The following TMEM67 variants were observed in gnomAD, a reference collection of about 807,000 sequenced individuals.
TMEM67 encodes transmembrane protein 67, also known as meckelin.
Under a neutral mutation model 136.6 loss-of-function variants are expected in TMEM67, and 124 were observed. The observed-to-expected ratio is 0.91, with a 90% CI of 0.78 to 1.05. The LOEUF (loss-of-function observed/expected upper bound fraction) is 1.05. Ranked by LOEUF, TMEM67 falls within the 50% of genes least tolerant of loss-of-function variation. The pLI, the probability that TMEM67 is intolerant of heterozygous loss-of-function variation, is 0.00. For missense variants in TMEM67, 1,107 were observed against 1,178.4 expected (o/e 0.94, Z 0.89); for synonymous variants, 364 against 390.5 (o/e 0.93, Z 0.80).
the TMEM67 span, among the ~76,000 whole-genome samples, chr8:93,829,488 T>G: frequency 6.6e-6 from 1 of 152,092 alleles, no homozygotes; most frequent in East Asian, 1.9e-4. Context: ...GCTCACTGGA[T>G]CTACTCCTCT....
downstream of TMEM67, among the ~76,000 whole-genome samples, chr8:93,821,770 T>C (rs1809044996): frequency 2.6e-5 from 4 of 152,130 alleles, no homozygotes; most frequent in Non-Finnish European, 5.9e-5. Context: ...TATGGTGGCA[T>C]GTGCCTGTAG....
At chr8:93,832,449 AG>A in the TMEM67 span, among the ~76,000 whole-genome samples, 2 of 152,156 alleles carry the variant, frequency 1.3e-5, no homozygotes, top group Non-Finnish European at 2.9e-5. Context: ...TCCTCTTTCC[AG>A]AATATGCCTT....
intron 6 of TMEM67, among the ~76,000 whole-genome samples, chr8:93,767,721 C>T (rs1265443067): frequency 2.5e-5 from 3 of 117,974 alleles, no homozygotes; most frequent in Admixed American, 2.0e-4. Flanking sequence ...TTGGCTTCTG[C>T]GTGATTTTTT....
intron 7 of TMEM67, among the ~76,000 whole-genome samples, chr8:93,774,119 A>C (rs1813435433): frequency 2.0e-5 from 3 of 151,840 alleles, no homozygotes; most frequent in Admixed American, 2.0e-4. Flanking sequence ...GGCTCAAGAG[A>C]TCCTCCTGCC....
In TMEM67 at chr8:93,771,249, CT is replaced by C. The variant is rs564652687; in HGVS notation, c.652-1328del. Among the ~76,000 whole-genome samples the C allele has an allele frequency of 3.8e-3, 542 of 141,900 alleles. 1 individual carries two copies. The highest frequency in any genetic ancestry group is 5.8e-3 in the Admixed American group (82 of 14,202). 93.1% of individuals were successfully genotyped at this position (141,900 alleles called of 152,430 possible). Reference sequence around the variant, plus strand: ...AGAAGCACTTTACTTTTTCTCTGTGCTTTTTTTTTTTTAAAAAAAAGCTTTA... The same window carrying C: ...AGAAGCACTTTACTTTTTCTCTGTGCTTTTTTTTTTTAAAAAAAAGCTTTA... On this transcript the variant is annotated intron_variant, in intron 6 of 27. Transcript: ENST00000453321.
chr8:93,782,240 T>C (rs1259520881), intron 10 of TMEM67, among the ~76,000 whole-genome samples, 155 bp from the exon 11 acceptor site: 1 of 152,158 alleles, frequency 6.6e-6, no homozygotes, highest in African/African-American at 2.4e-5. Flanking sequence ...AAGTTATGAC[T>C]TTCATTTATA....
At chr8:93,777,427 C>A (rs1167024730) in intron 7 of TMEM67, among the ~76,000 whole-genome samples, 3 of 152,110 alleles carry the variant, frequency 2.0e-5, no homozygotes, top group Non-Finnish European at 4.4e-5. Context: ...TTCTTTACTT[C>A]TTTTAACTGT....
chr8:93,800,758 G>A (rs1373258025), intron 21 of TMEM67, among the ~76,000 whole-genome samples: 1 of 152,074 alleles, frequency 6.6e-6, no homozygotes, highest in Non-Finnish European at 1.5e-5. Context: ...AGAGTCCTCA[G>A]CTTTATAGTA....
chr8:93,762,870 T>A (rs1199698597), intron 3 of TMEM67: 1 of 364,464 alleles, frequency 2.7e-6, no homozygotes, highest in Non-Finnish European at 5.5e-6. Flanking sequence ...TGTTCTAGCA[T>A]ACTTTTTTCA....
Position 93,813,893 on chromosome 8 carries a change from T to A in TMEM67, c.2765-1412T>A, listed in dbSNP as rs151334800. Among the ~76,000 whole-genome samples the A allele has an allele frequency of 3.9e-5, 6 of 152,332 alleles. No homozygotes were observed. The East Asian group carries it at 7.7e-4, about 20-fold the overall frequency. On this transcript the variant is annotated intron_variant, in intron 26 of 27. Coordinates refer to ENST00000453321, the MANE Select transcript of TMEM67 (RefSeq NM_153704.6). ...GAGAGAGCATGTAAAACAGGTTTTT[T>A]AAGATTATATATGCAAGTGTAATGT... is the stretch of plus-strand genomic sequence containing the variant.
chr8:93,754,950 G>A lies in TMEM67; in HGVS notation c.36G>A (p.Ala12=), dbSNP rs766615868. ...GCGGTGGGGCTGGGGTGGCAATGGC[G>A]GTTTGGTCCCTCTTATCCGCCCGGG... ...ATRGGAGVAM[A]VWSLLSARAV... The change falls in exon 1 of 28, where the codon GCG becomes GCA. Residue 12 remains alanine (A), a synonymous_variant. Coordinates refer to ENST00000453321, the MANE Select transcript of TMEM67 (RefSeq NM_153704.6). The A allele has an allele frequency of 1.9e-6, 3 of 1,614,118 alleles. No individual in the cohort carries two copies. The highest frequency in any genetic ancestry group is 1.7e-6 in the Non-Finnish European group (2 of 1,180,034).
chr8:93,830,345 A>G, the TMEM67 span, among the ~76,000 whole-genome samples: 6 of 152,276 alleles, frequency 3.9e-5, no homozygotes, highest in African/African-American at 7.2e-5. Flanking sequence ...AAACTGGTCA[A>G]TGTGTTTCCC....
At chr8:93,779,390 G>C (rs989738015) in intron 7 of TMEM67, among the ~76,000 whole-genome samples, 2 of 152,152 alleles carry the variant, frequency 1.3e-5, no homozygotes, top group African/African-American at 2.4e-5. Context: ...ATCCAGCTTT[G>C]TTCTGTTGCT....
intron 6 of TMEM67, among the ~76,000 whole-genome samples, chr8:93,771,585 T>C (rs1813331469): frequency 6.6e-6 from 1 of 152,256 alleles, no homozygotes; most frequent in East Asian, 1.9e-4. Flanking sequence ...ACCATAAATA[T>C]GTTTTCCCAT....
chr8:93,766,447 T>C (rs1031817463), intron 6 of TMEM67, among the ~76,000 whole-genome samples: 8 of 152,282 alleles, frequency 5.3e-5, no homozygotes, highest in African/African-American at 1.9e-4. Flanking sequence ...GATGAGAGCA[T>C]TGAGGCCTAG....
intron 7 of TMEM67, among the ~76,000 whole-genome samples, chr8:93,776,080 G>T (rs1332658566): frequency 3.9e-5 from 6 of 152,320 alleles, no homozygotes; most frequent in African/African-American, 1.2e-4. Context: ...TCCCTTGTAA[G>T]TTGGATTCCT....
At chr8:93,768,162 G>A (rs888455305) in intron 6 of TMEM67, among the ~76,000 whole-genome samples, 7 of 151,708 alleles carry the variant, frequency 4.6e-5, no homozygotes, top group South Asian at 2.1e-4. Flanking sequence ...CACCACACCC[G>A]ACTGGAGTCA....
chr8:93,814,926 T>C (rs181898265), intron 26 of TMEM67, among the ~76,000 whole-genome samples: 29 of 152,338 alleles, frequency 1.9e-4, no homozygotes, highest in Non-Finnish European at 1.5e-5. Flanking sequence ...ATGTACTTAC[T>C]CTATGCCTTG....
chr8:93,782,663 T>C (rs1219410018), intron 11 of TMEM67, among the ~76,000 whole-genome samples: 2 of 143,514 alleles, frequency 1.4e-5, no homozygotes, highest in African/African-American at 2.6e-5. Flanking sequence ...AACCTCCGCC[T>C]CCCAGGTTCA....
Sources: allele counts gnomAD v4.1 joint callset (sites outside exome capture counted in the v4.1 genomes callset), GRCh38; gene constraint gnomAD v4.1.1; transcripts MANE v1.5; gene names NCBI Gene and HGNC (gene_info 2026-07-23, HGNC 2026-07-21).